Variants in ESR1 observed in about 807,000 individuals in gnomAD.
ESR1 encodes the protein estrogen receptor 1.
In ESR1, 12 loss-of-function variants were observed where a neutral mutation model predicts 52.7. That is an observed-to-expected ratio of 0.23 (90% CI 0.15 to 0.37). The LOEUF (loss-of-function observed/expected upper bound fraction) is 0.37, where lower values mean the gene tolerates loss of function less well. Ranked by LOEUF, ESR1 falls within the 10% of genes least tolerant of loss-of-function variation. The pLI is 1.00. For synonymous variants in ESR1, 305 were observed against 316.8 expected (o/e 0.96, Z 0.39); for missense variants, 584 against 779.7 (o/e 0.75, Z 2.99).
intron 1 of ESR1, among the ~76,000 whole-genome samples, chr6:151,818,474 C>A (rs1408722662): frequency 1.3e-5 from 2 of 152,058 alleles, no homozygotes; most frequent in East Asian, 1.9e-4. Flanking sequence ...AGAGTCCAAC[C>A]CTTTTCTAAG....
At chr6:152,022,974 T>C (rs1394684757) in intron 5 of ESR1, among the ~76,000 whole-genome samples, 4 of 140,258 alleles carry the variant, frequency 2.9e-5, no homozygotes, top group African/African-American at 1.2e-4. Context: ...TGAAACTCTG[T>C]CTCAAAAAAA....
intron 3 of ESR1, among the ~76,000 whole-genome samples, chr6:151,916,904 C>G (rs982441499): frequency 6.6e-6 from 1 of 152,116 alleles, no homozygotes; most frequent in Admixed American, 6.6e-5. Context: ...AAATGAATAT[C>G]CCTTTTTAAG....
chr6:152,047,624 GT>G (rs1418843623), intron 5 of ESR1, among the ~76,000 whole-genome samples: 1 of 152,092 alleles, frequency 6.6e-6, no homozygotes, highest in Non-Finnish European at 1.5e-5. Flanking sequence ...GAATTGCCCT[GT>G]GTGAGTTCCT....
chr6:151,935,451 C>A (rs1170948985), intron 3 of ESR1, among the ~76,000 whole-genome samples: 1 of 152,210 alleles, frequency 6.6e-6, no homozygotes, highest in Non-Finnish European at 1.5e-5. Context: ...TCCTGGACTG[C>A]AGATCTACCA....
intron 5 of ESR1, among the ~76,000 whole-genome samples, chr6:152,037,344 G>T (rs1331541046): frequency 6.6e-6 from 1 of 152,098 alleles, no homozygotes; most frequent in African/African-American, 2.4e-5. Context: ...AGCCATACAA[G>T]ATATCAAGAT....
At chr6:151,867,224 A>G (rs1196851319) in intron 2 of ESR1, among the ~76,000 whole-genome samples, 1 of 152,218 alleles carries the variant, frequency 6.6e-6, no homozygotes, top group African/African-American at 2.4e-5. Context: ...TCATGACTAA[A>G]ATACCAAAAG....
At chr6:151,993,553 G>GGAC (rs774646612) in intron 4 of ESR1, among the ~76,000 whole-genome samples, 1 of 152,124 alleles carries the variant, frequency 6.6e-6, no homozygotes, top group African/African-American at 2.4e-5. Flanking sequence ...CCAGACCCTG[G>GGAC]GACCAGCTCC....
chr6:151,898,278 C>G lies in ESR1; in HGVS notation c.760+17507C>G, dbSNP rs138493786. Among the ~76,000 whole-genome samples the G allele has an allele frequency of 4.2e-3, 637 of 152,178 alleles. 4 individuals carry two copies. Among genetic ancestry groups the G allele is most frequent in the African/African-American group, 0.014 (597 of 41,508 alleles). Reference sequence around the variant, plus strand: ...AGGAAGTTTTCCTCAATTATCCCCCCAGATATGTTTTCCAAACTTTTAGAT... The same window carrying G: ...AGGAAGTTTTCCTCAATTATCCCCCGAGATATGTTTTCCAAACTTTTAGAT... On this transcript the variant is annotated intron_variant, in intron 3 of 7. Transcript: ENST00000206249.
intron 2 of ESR1, among the ~76,000 whole-genome samples, chr6:151,850,034 A>G (rs1786135109): frequency 1.3e-5 from 1 of 77,198 alleles, no homozygotes; most frequent in South Asian, 3.7e-4. Flanking sequence ...AAAATTATAT[A>G]TATATATAAT....
chr6:151,714,453 A>G (rs1290989663), intron 2 of ESR1, among the ~76,000 whole-genome samples: 1 of 152,108 alleles, frequency 6.6e-6, no homozygotes, highest in Non-Finnish European at 1.5e-5. Flanking sequence ...GTCTCCCGCT[A>G]TTATTGTGTG....
At chr6:151,981,687 G>A (rs2040006365) in intron 4 of ESR1, among the ~76,000 whole-genome samples, 1 of 152,152 alleles carries the variant, frequency 6.6e-6, no homozygotes, top group African/African-American at 2.4e-5. Context: ...CTATAAGATT[G>A]TCTGTTTAAA....
Position 151,961,610 on chromosome 6 carries a change from G to A in ESR1, c.1096+17102G>A, listed in dbSNP as rs1345888761. Among the ~76,000 whole-genome samples the A allele has an allele frequency of 3.3e-5, 5 of 152,226 alleles. No homozygotes were observed. The East Asian group carries it at 9.7e-4, about 29-fold the overall frequency. ...TGTCCTCACAGAGGAGGACAGGCAG[G>A]AAGGTAGAGTGGGCTGCTTTGGGCA... On this transcript the variant is annotated intron_variant, in intron 4 of 7. Coordinates refer to ENST00000206249, the MANE Select transcript of ESR1 (RefSeq NM_000125.4).
At chr6:151,985,280 C>T (rs1306953261) in intron 4 of ESR1, among the ~76,000 whole-genome samples, 4 of 151,566 alleles carry the variant, frequency 2.6e-5, no homozygotes, top group African/African-American at 4.8e-5. Context: ...CTGAGACGGG[C>T]GGATCACCTG....
At chr6:151,852,860 C>T (rs1452152737) in intron 2 of ESR1, among the ~76,000 whole-genome samples, 1 of 151,752 alleles carries the variant, frequency 6.6e-6, no homozygotes, top group Non-Finnish European at 1.5e-5. Context: ...CAAGTGAAAG[C>T]CTTTGCAATG....
chr6:151,944,546 T>A (rs2128530372), intron 4 of ESR1, 38 bp downstream of exon 4: 1 of 1,575,536 alleles, frequency 6.3e-7, no homozygotes, highest in Non-Finnish European at 8.7e-7. Context: ...AGTCAATAGC[T>A]TTTCAAGAAC....
At chr6:152,128,105 C>T (rs2054158477) in exon 7 of ESR1, 1 of 152,148 alleles carries the variant, frequency 6.6e-6, no homozygotes, top group Admixed American at 6.5e-5. Flanking sequence ...ATCTTTCTAG[C>T]TGTCAATTTC....
chr6:151,972,418 A>G (rs1254039000), intron 4 of ESR1, among the ~76,000 whole-genome samples: 1 of 152,232 alleles, frequency 6.6e-6, no homozygotes, highest in Admixed American at 6.5e-5. Context: ...ATACTAGCTA[A>G]GTGAATCCAA....
chr6:152,118,848 G>T (rs550302546), intron 6 of ESR1, among the ~76,000 whole-genome samples: 5 of 152,246 alleles, frequency 3.3e-5, no homozygotes, highest in African/African-American at 1.2e-4. Context: ...CTCCCCGAGG[G>T]AGCTTGGAGC....
Position 151,833,042 on chromosome 6 carries a change from A to G in ESR1, c.453-9555A>G, listed in dbSNP as rs370208274. Among the ~76,000 whole-genome samples, 38 of 152,316 alleles carry G rather than the reference A, an allele frequency of 2.5e-4. 1 individual carries two copies. In the South Asian group the frequency reaches 7.9e-3, roughly 32 times the overall value. On this transcript the variant is annotated intron_variant, in intron 1 of 7. Transcript: ENST00000206249. Reference sequence around the variant, plus strand: ...CACATGCAGATTCTGATGAGAAACAATTAACTCTTTTTGGCTGCTACCTGA... The same window carrying G: ...CACATGCAGATTCTGATGAGAAACAGTTAACTCTTTTTGGCTGCTACCTGA...
Sources: allele counts gnomAD v4.1 joint callset (sites outside exome capture counted in the v4.1 genomes callset), GRCh38; gene constraint gnomAD v4.1.1; transcripts MANE v1.5; gene names NCBI Gene and HGNC (gene_info 2026-07-23, HGNC 2026-07-21).